The following GMPS variants were observed in gnomAD, a reference collection of about 807,000 sequenced individuals.
GMPS encodes the protein guanosine monophosphate synthase.
A neutral mutation model predicts 77.9 loss-of-function variants in GMPS; 15 were observed. The observed-to-expected ratio is 0.19, with a 90% CI of 0.13 to 0.30. The LOEUF is 0.30. Ranked by LOEUF, GMPS falls within the 10% of genes least tolerant of loss-of-function variation. The pLI is 1.00. For missense variants in GMPS, 590 were observed against 838.8 expected, an observed-to-expected ratio of 0.70 and a Z score of 3.66; for synonymous variants, 224 against 275.9, an observed-to-expected ratio of 0.81 and a Z score of 1.86.
intron 1 of GMPS, among the ~76,000 whole-genome samples, chr3:155,878,406 T>G (rs1410056189): frequency 6.6e-6 from 1 of 152,238 alleles, no homozygotes; most frequent in Non-Finnish European, 1.5e-5. Flanking sequence ...ACTTATCAGT[T>G]GATGAACATT....
intron 1 of GMPS, among the ~76,000 whole-genome samples, chr3:155,890,787 T>C (rs1754445634): frequency 6.6e-6 from 1 of 152,218 alleles, no homozygotes; most frequent in African/African-American, 2.4e-5. Context: ...ATCTAGAGGC[T>C]CTCAAACCCT....
Position 155,943,021 on chromosome 3 carries a change from A to G in GMPS, c.*5329A>G, listed in dbSNP as rs1755929659. On this transcript the variant is annotated 3_prime_UTR_variant, in exon 16 of 16. Coordinates refer to ENST00000496455, the MANE Select transcript of GMPS (RefSeq NM_003875.3). ...CGAGGCGGGCGGATCTCTTGAGGTC[A>G]GGAGTTTGAGACCAGCGTGGCCAAC... The G allele has an allele frequency of 1.1e-5, 2 of 178,522 alleles. No homozygotes were observed. Among genetic ancestry groups the G allele is most frequent in the Non-Finnish European group, 2.4e-5 (2 of 83,302 alleles). 11.1% of individuals were successfully genotyped at this position (178,522 alleles called of 1,614,324 possible).
At position 155,936,459 on chromosome 3, in the gene GMPS, T is replaced by A. The variant is rs369558652; in HGVS notation, c.1929T>A (p.Ser643Arg). 4 of 1,607,712 alleles carry A rather than the reference T, an allele frequency of 2.5e-6. No homozygotes were observed. Among genetic ancestry groups the A allele is most frequent in the Non-Finnish European group, 3.4e-6 (4 of 1,174,210 alleles). The change falls in exon 15 of 16, where the codon AGT becomes AGA. Residue 643 changes from serine (S) to arginine (R), a missense_variant. Coordinates refer to ENST00000496455, the MANE Select transcript of GMPS (RefSeq NM_003875.3). ...TGGTTATTCGAACCTTTATTACTAG[T>A]GACTTCATGACTGGTATACCTGCAA... The part of the protein sequence containing the change: ...RSVVIRTFIT[S>R]DFMTGIPATP...
chr3:155,931,588 GC>G (rs1755619812), intron 12 of GMPS, among the ~76,000 whole-genome samples, 176 bp from the exon 13 acceptor site: 1 of 150,554 alleles, frequency 6.6e-6, no homozygotes, highest in African/African-American at 2.4e-5. Flanking sequence ...CATTAAAGAA[GC>G]ATTTAGTATA....
chr3:155,871,239 G>T (rs1425985958), intron 1 of GMPS, among the ~76,000 whole-genome samples: 1 of 151,994 alleles, frequency 6.6e-6, no homozygotes, highest in Non-Finnish European at 1.5e-5. Context: ...CGGCGAGCGG[G>T]CTTGTGTGTC....
chr3:155,887,864 T>C (rs1342264993), intron 1 of GMPS, among the ~76,000 whole-genome samples: 3 of 152,184 alleles, frequency 2.0e-5, no homozygotes, highest in African/African-American at 4.8e-5. Flanking sequence ...TTGATATAGA[T>C]GAAGAGTGGT....
chr3:155,893,179 A>G (rs779441958), intron 1 of GMPS, among the ~76,000 whole-genome samples: 3 of 152,184 alleles, frequency 2.0e-5, no homozygotes, highest in Non-Finnish European at 4.4e-5. Flanking sequence ...AATAATGCCC[A>G]TGTAATAAAC....
chr3:155,901,056 T>C (rs1198915375), intron 3 of GMPS, among the ~76,000 whole-genome samples: 1 of 152,170 alleles, frequency 6.6e-6, no homozygotes, highest in Non-Finnish European at 1.5e-5. Context: ...GCTCCCTTTA[T>C]ATCTCTTAAC....
upstream of GMPS, chr3:155,870,494 C>A: frequency 4.8e-6 from 1 of 210,288 alleles, no homozygotes; most frequent in Non-Finnish European, 9.6e-6. Context: ...CCGGCGGGGA[C>A]CGGGCTGGGG....
chr3:155,915,505 G>T (rs62286858), intron 8 of GMPS, among the ~76,000 whole-genome samples: 2 of 152,080 alleles, frequency 1.3e-5, no homozygotes, highest in Admixed American at 6.5e-5. Context: ...GGGTTCAAGC[G>T]ATTCTCCTGC....
Position 155,939,472 on chromosome 3 carries a change from C to T in GMPS, c.*1780C>T, listed in dbSNP as rs1205577167. 1 of 204,496 alleles carries T rather than the reference C, an allele frequency of 4.9e-6. No individual in the cohort carries two copies. The highest frequency in any genetic ancestry group is 7.5e-5 in the East Asian group (1 of 13,418). The allele number at this position is 204,496 out of a possible 1,614,324, so 12.7% of individuals were successfully genotyped here. ...GGAACACTGCTCCACTGAGAAGGTC[C>T]ATGTAAAAAGGATTAGGTGGTCATA... On this transcript the variant is annotated 3_prime_UTR_variant, in exon 16 of 16. Transcript: ENST00000496455.
At chr3:155,926,454 A>C (rs937187150) in intron 12 of GMPS, among the ~76,000 whole-genome samples, 3 of 152,320 alleles carry the variant, frequency 2.0e-5, no homozygotes, top group Non-Finnish European at 4.4e-5. Context: ...CGAAAATGGT[A>C]TAAGTGCCAG....
intron 1 of GMPS, among the ~76,000 whole-genome samples, chr3:155,883,830 A>G (rs62286803): frequency 3.4e-4 from 52 of 152,322 alleles, no homozygotes; most frequent in Non-Finnish European, 6.3e-4. Context: ...CAGACTGAAC[A>G]TAGTTCAGAA....
At position 155,899,427 on chromosome 3, in the gene GMPS, C is replaced by T. The variant is rs200745589; in HGVS notation, c.324+1386C>T. On this transcript the variant is annotated intron_variant, in intron 3 of 15. Coordinates refer to ENST00000496455, the MANE Select transcript of GMPS (RefSeq NM_003875.3). ...TGAGATCTTGAGATAAGATACTCTT[C>T]TTTTCTTTTTTTTTTTTCAATTACT... Among the ~76,000 whole-genome samples the T allele has an allele frequency of 3.9e-5, 4 of 102,888 alleles. No homozygotes were observed. The East Asian group carries it at 7.4e-4, about 19-fold the overall frequency. The allele number at this position is 102,888 out of a possible 152,430, so 67.5% of individuals were successfully genotyped here. A position where few individuals can be genotyped will look rare whatever the true frequency, so the allele number is the denominator to read the frequency against.
chr3:155,901,102 G>C (rs1293562460), intron 3 of GMPS, among the ~76,000 whole-genome samples: 1 of 152,010 alleles, frequency 6.6e-6, no homozygotes, highest in East Asian at 1.9e-4. Flanking sequence ...ATAGAATATT[G>C]GTAGAGCTTT....
chr3:155,916,719 G>A (rs1022137726), intron 9 of GMPS, among the ~76,000 whole-genome samples: 13 of 152,062 alleles, frequency 8.5e-5, no homozygotes, highest in African/African-American at 2.9e-4. Flanking sequence ...AAGTAATGCC[G>A]CCATGAATAC....
intron 13 of GMPS, among the ~76,000 whole-genome samples, chr3:155,932,769 T>C (rs936317390): frequency 2.6e-5 from 4 of 152,208 alleles, no homozygotes; most frequent in Non-Finnish European, 5.9e-5. Context: ...TAGTTCGAGA[T>C]AAGGAGTTAC....
chr3:155,934,995 A>G lies in GMPS; in HGVS notation c.1756A>G (p.Ser586Gly). The change falls in exon 14 of 16, where the codon AGT becomes GGT. Residue 586 changes from serine (S) to glycine (G), a missense_variant. Physicochemically the swap from Ser to Gly is moderately conservative, Grantham distance 56. This residue lies in a region of GMPS where 73 missense variants were observed against 170.5 expected (regional missense o/e 0.43). Coordinates refer to ENST00000496455, the MANE Select transcript of GMPS (RefSeq NM_003875.3). ...CACTTTCTTGACAACAGGGGTGCTC[A>G]GTACTTTACGCCAAGCTGATTTTGA... ...TPTFLTTGVL[S>G]TLRQADFEAH... 1 of 1,603,898 alleles carries G rather than the reference A, an allele frequency of 6.2e-7. No homozygotes were observed. The highest frequency in any genetic ancestry group is 1.1e-5 in the South Asian group (1 of 90,890).
intron 9 of GMPS, among the ~76,000 whole-genome samples, chr3:155,917,805 G>A (rs561267173): frequency 4.7e-4 from 72 of 151,776 alleles, no homozygotes; most frequent in African/African-American, 1.6e-3. Context: ...CCCTGGAGGC[G>A]GAGGTTGCAA....
Sources: allele counts gnomAD v4.1 joint callset (sites outside exome capture counted in the v4.1 genomes callset), GRCh38; gene constraint gnomAD v4.1.1; regional missense constraint gnomAD v4.1.1; transcripts MANE v1.5; gene names NCBI Gene and HGNC (gene_info 2026-07-23, HGNC 2026-07-21).